Variants in SLC5A8 observed in about 807,000 individuals in gnomAD.
SLC5A8 encodes solute carrier family 5 member 8, also known as sodium-coupled monocarboxylate transporter 1.
In SLC5A8, 55 loss-of-function variants were observed where a neutral mutation model predicts 71.9. That is an observed-to-expected ratio of 0.77 (90% CI 0.62 to 0.96). SLC5A8 has a LOEUF of 0.96. Among genes scored for constraint, SLC5A8 ranks in the 40% least tolerant of loss-of-function variants. SLC5A8 has a pLI of 0.00. For synonymous variants in SLC5A8, 307 were observed against 276.1 expected, an observed-to-expected ratio of 1.11 and a Z score of -1.11; for missense variants, 701 against 745.3, an observed-to-expected ratio of 0.94 and a Z score of 0.69.
intron 9 of SLC5A8, among the ~76,000 whole-genome samples, chr12:101,181,817 T>C (rs1868375560): frequency 6.6e-6 from 1 of 152,164 alleles, no homozygotes; most frequent in East Asian, 1.9e-4. Flanking sequence ...CATAATAAAA[T>C]GATGCATTGC....
chr12:101,182,880 A>G lies in SLC5A8; in HGVS notation c.1088T>C (p.Val363Ala), dbSNP rs760689361. Residue 363 changes from valine (V) to alanine (A), a missense_variant, in exon 9 of 15, where the codon GTA (valine) becomes GCA (alanine). Coordinates refer to ENST00000536262, the MANE Select transcript of SLC5A8 (RefSeq NM_145913.5). The stretch of plus-strand genomic sequence containing the variant: ...AGGTTTGATTAGATCTTCCACAGTT[A>G]CTGCTGCTAAGGCATTAATACTGGA... ...VSSSINALAA[V>A]TVEDLIKPYF... 1 of 1,594,100 alleles carries G rather than the reference A, an allele frequency of 6.3e-7. No homozygotes were observed. The highest frequency in any genetic ancestry group is 1.8e-5 in the Admixed American group (1 of 55,782).
At chr12:101,180,705 C>T (rs532354220) in intron 9 of SLC5A8, among the ~76,000 whole-genome samples, 2 of 151,138 alleles carry the variant, frequency 1.3e-5, no homozygotes, top group South Asian at 2.1e-4. Flanking sequence ...AGTTGTTTTC[C>T]CCAGACTTCT....
At chr12:101,158,586 CTCTCTCTCTCTCTATATATATATATA>C (rs1348846960) in intron 13 of SLC5A8, among the ~76,000 whole-genome samples, 21 of 42,492 alleles carry the variant, frequency 4.9e-4, no homozygotes, top group African/African-American at 1.1e-3. Context: ...CTCTCTCTCT[CTCTCTCTCTCTCTATATATATATATA>C]TATATATATA....
rs762411800 is a variant in SLC5A8, at chr12:101,158,239, G to A, written c.1710+10C>T. Reference sequence around the variant, plus strand: ...GTTTCCTAACTCAAGGTAAATGAAAGCCAACTCACTTTCTTAAAAATATCA... The same window carrying A: ...GTTTCCTAACTCAAGGTAAATGAAAACCAACTCACTTTCTTAAAAATATCA... On this transcript the variant is annotated intron_variant, in intron 14 of 14. Coordinates refer to ENST00000536262, the MANE Select transcript of SLC5A8 (RefSeq NM_145913.5). 22 of 1,560,210 alleles carry A rather than the reference G, an allele frequency of 1.4e-5. No homozygotes were observed. In the East Asian group the frequency reaches 4.8e-4, roughly 34 times the overall value.
chr12:101,207,797 T>C (rs569055519), intron 1 of SLC5A8, among the ~76,000 whole-genome samples: 19 of 152,278 alleles, frequency 1.2e-4, no homozygotes, highest in South Asian at 6.2e-4. Flanking sequence ...CCCACTAAGA[T>C]ATATGTTTTC....
In SLC5A8 at chr12:101,155,615, T is replaced by G. The variant is rs2051652274; in HGVS notation, c.*1664A>C. The stretch of plus-strand genomic sequence containing the variant: ...TATCCTCCCACCTCAGCTTCCCTAA[T>G]AACTGGGACTACAAGTATGTGGCAA... On this transcript the variant is annotated 3_prime_UTR_variant, in exon 15 of 15. Transcript: ENST00000536262. 1 of 150,906 alleles carries G rather than the reference T, an allele frequency of 6.6e-6. No homozygotes were observed. Among genetic ancestry groups the G allele is most frequent in the Non-Finnish European group, 1.5e-5 (1 of 67,804 alleles). The allele number at this position is 150,906 out of a possible 1,614,324, so 9.3% of individuals were successfully genotyped here.
intron 10 of SLC5A8, 53 bp downstream of exon 10, chr12:101,179,976 T>C (rs1409775141): frequency 1.9e-6 from 3 of 1,589,312 alleles, no homozygotes; most frequent in African/African-American, 1.3e-5. Flanking sequence ...CACATCAACA[T>C]TGAAAAAAGA....
intron 9 of SLC5A8, among the ~76,000 whole-genome samples, chr12:101,182,579 C>T (rs918424918): frequency 1.3e-5 from 2 of 152,154 alleles, no homozygotes; most frequent in East Asian, 3.8e-4. Context: ...GGTTCACTGA[C>T]AATTAATTGT....
At chr12:101,188,269 C>A (rs1049720494) in intron 6 of SLC5A8, among the ~76,000 whole-genome samples, 3 of 152,076 alleles carry the variant, frequency 2.0e-5, no homozygotes, top group African/African-American at 7.2e-5. Flanking sequence ...ACATAATAAA[C>A]CCCTGTTAAA....
At chr12:101,161,409 G>T (rs1040187203) in intron 13 of SLC5A8, among the ~76,000 whole-genome samples, 5 of 151,972 alleles carry the variant, frequency 3.3e-5, no homozygotes, top group African/African-American at 1.2e-4. Flanking sequence ...CAATCCCAGA[G>T]AGCAATTTAT....
chr12:101,168,312 AG>A, intron 10 of SLC5A8, 130 bp from the exon 11 acceptor site: 1 of 829,302 alleles, frequency 1.2e-6, no homozygotes. Context: ...CAGTCATGAT[AG>A]CCTTATCACT....
chr12:101,157,553 G>T, intron 14 of SLC5A8, 152 bp from the exon 15 acceptor site: 1 of 925,554 alleles, frequency 1.1e-6, no homozygotes, highest in Non-Finnish European at 1.6e-6. Context: ...TACTTCCTCA[G>T]AGGATACCGA....
At chr12:101,182,662 T>C (rs1868421531) in intron 9 of SLC5A8, 141 bp downstream of exon 9, 1 of 560,984 alleles carries the variant, frequency 1.8e-6, no homozygotes, top group Non-Finnish European at 3.1e-6. Flanking sequence ...TTTAAAAATC[T>C]GCATTGTCAT....
chr12:101,186,175 C>A (rs1482054955), intron 7 of SLC5A8, among the ~76,000 whole-genome samples: 1 of 147,542 alleles, frequency 6.8e-6, no homozygotes, highest in African/African-American at 2.5e-5. Context: ...AAACTACAGA[C>A]AATACAGATT....
At chr12:101,161,114 G>GA (rs1387411343) in intron 13 of SLC5A8, among the ~76,000 whole-genome samples, 4 of 151,990 alleles carry the variant, frequency 2.6e-5, no homozygotes, top group East Asian at 3.9e-4. Flanking sequence ...CATCCTCTCA[G>GA]AAAAAAGAAA....
chr12:101,190,721 T>G, intron 5 of SLC5A8, 113 bp from the exon 6 acceptor site: 1 of 719,276 alleles, frequency 1.4e-6, no homozygotes. Context: ...AACACATACA[T>G]AAATATGTAA....
At chr12:101,170,510 G>A (rs570843086) in intron 10 of SLC5A8, among the ~76,000 whole-genome samples, 1 of 152,180 alleles carries the variant, frequency 6.6e-6, no homozygotes, top group South Asian at 2.1e-4. Context: ...CCCAGCCTGA[G>A]AACTGAAGAA....
chr12:101,208,777 A>G (rs1260854092), intron 1 of SLC5A8, among the ~76,000 whole-genome samples: 1 of 152,212 alleles, frequency 6.6e-6, no homozygotes, highest in African/African-American at 2.4e-5. Context: ...ATTATGGCCA[A>G]TACCTATCTG....
chr12:101,176,288 A>C (rs1036561123), intron 10 of SLC5A8, among the ~76,000 whole-genome samples: 2 of 152,082 alleles, frequency 1.3e-5, no homozygotes, highest in African/African-American at 4.8e-5. Context: ...TTAATCCTTC[A>C]TTAAGACCCA....
Sources: gnomAD v4.1 joint callset for allele counts (sites outside exome capture counted in the v4.1 genomes callset) on GRCh38, gnomAD v4.1.1 for gene constraint, MANE v1.5 for transcripts, NCBI Gene and HGNC (gene_info 2026-07-23, HGNC 2026-07-21) for gene names.